REDIC1: variants seen among roughly 807,000 people sequenced by gnomAD.
REDIC1 encodes the protein regulator of DNA class I crossover intermediates 1, also known as HEI10 Interacting Protein 1.
the REDIC1 span, among the ~76,000 whole-genome samples, chr12:39,894,081 G>A: frequency 6.6e-6 from 1 of 152,142 alleles, no homozygotes; most frequent in Admixed American, 6.5e-5. Flanking sequence ...TTTAATAAAT[G>A]TTTTTGCAAA....
chr12:39,876,071 T>G, the REDIC1 span, among the ~76,000 whole-genome samples: 2 of 152,200 alleles, frequency 1.3e-5, no homozygotes, highest in African/African-American at 2.4e-5. Flanking sequence ...TCAGACAAAC[T>G]ATCATCTTCT....
At chr12:39,774,765 C>G in the REDIC1 span, among the ~76,000 whole-genome samples, 1 of 152,010 alleles carries the variant, frequency 6.6e-6, no homozygotes. Flanking sequence ...CAAAAAGCCA[C>G]TTTTTTCCTG....
the REDIC1 span, among the ~76,000 whole-genome samples, chr12:39,880,991 T>C: frequency 2.0e-5 from 3 of 152,254 alleles, no homozygotes; most frequent in African/African-American, 4.8e-5. Flanking sequence ...ATTTGTTGAA[T>C]TGTATGTATA....
chr12:39,639,649 C>G, the REDIC1 span, among the ~76,000 whole-genome samples: 1 of 151,912 alleles, frequency 6.6e-6, no homozygotes, highest in Non-Finnish European at 1.5e-5. Flanking sequence ...CTTAACCTGT[C>G]TTTGCCTTAG....
the REDIC1 span, among the ~76,000 whole-genome samples, chr12:39,856,690 C>A: frequency 1.3e-5 from 2 of 152,122 alleles, no homozygotes; most frequent in Non-Finnish European, 1.5e-5. Context: ...TTTAAATAAA[C>A]CACATTTGGT....
chr12:39,728,458 G>T, the REDIC1 span, among the ~76,000 whole-genome samples: 6 of 152,166 alleles, frequency 3.9e-5, no homozygotes, highest in South Asian at 1.2e-3. Context: ...TTAATGATTT[G>T]CCTATGTTAA....
the REDIC1 span, among the ~76,000 whole-genome samples, chr12:39,814,270 A>C: frequency 6.6e-6 from 1 of 152,228 alleles, no homozygotes. Flanking sequence ...AGCAAGTGTA[A>C]TAGCTTAGGA....
At chr12:39,904,499 T>C in the REDIC1 span, among the ~76,000 whole-genome samples, 1 of 152,154 alleles carries the variant, frequency 6.6e-6, no homozygotes, top group Admixed American at 6.6e-5. Flanking sequence ...GCCTTTCTTA[T>C]GGTATACTTC....
At chr12:39,895,560 A>ACC in the REDIC1 span, among the ~76,000 whole-genome samples, 1 of 138,752 alleles carries the variant, frequency 7.2e-6, no homozygotes, top group Non-Finnish European at 1.6e-5. Flanking sequence ...ATACACACAC[A>ACC]CACACACGTG....
chr12:39,751,797 C>G, the REDIC1 span, among the ~76,000 whole-genome samples: 2 of 152,040 alleles, frequency 1.3e-5, no homozygotes, highest in South Asian at 2.1e-4. Flanking sequence ...CAAACTATCA[C>G]AAGGACAAAA....
At chr12:39,695,676 C>A in the REDIC1 span, among the ~76,000 whole-genome samples, 7 of 152,314 alleles carry the variant, frequency 4.6e-5, no homozygotes, top group East Asian at 1.9e-4. Context: ...CCTGGGGGAA[C>A]TTGACACCCT....
At chr12:39,634,105 G>A in the REDIC1 span, among the ~76,000 whole-genome samples, 28,077 of 151,744 alleles carry the variant, frequency 0.19, 2,910 homozygotes, top group African/African-American at 0.27. Context: ...CTTTTATTTC[G>A]TTGAGCAGTG....
At chr12:39,734,875 C>G in the REDIC1 span, among the ~76,000 whole-genome samples, 1 of 152,084 alleles carries the variant, frequency 6.6e-6, no homozygotes, top group Non-Finnish European at 1.5e-5. Context: ...TAAAAAATTC[C>G]TGGTTAGATT....
the REDIC1 span, among the ~76,000 whole-genome samples, chr12:39,895,453 G>A: frequency 7.8e-6 from 1 of 128,902 alleles, no homozygotes; most frequent in Non-Finnish European, 1.6e-5. Flanking sequence ...TCGTGCCACT[G>A]CACTCCAGCC....
chr12:39,635,524 T>C, the REDIC1 span, among the ~76,000 whole-genome samples: 2 of 151,774 alleles, frequency 1.3e-5, no homozygotes, highest in East Asian at 3.9e-4. Flanking sequence ...ACCATCATTC[T>C]CAGCAAACTA....
chr12:39,811,484 T>G, the REDIC1 span, among the ~76,000 whole-genome samples: 1 of 152,172 alleles, frequency 6.6e-6, no homozygotes, highest in African/African-American at 2.4e-5. Context: ...AGCTGTCCCC[T>G]GACGTTCTTG....
At chr12:39,648,384 C>A in the REDIC1 span, among the ~76,000 whole-genome samples, 1 of 151,742 alleles carries the variant, frequency 6.6e-6, no homozygotes. Context: ...TCGTAGTAGT[C>A]TCTTAAAGTG....
chr12:39,801,238 G>A, the REDIC1 span, among the ~76,000 whole-genome samples: 1 of 59,234 alleles, frequency 1.7e-5, no homozygotes, highest in South Asian at 4.8e-4. Flanking sequence ...CTAAAACTTA[G>A]AGTATAATTA....
At chr12:39,763,120 A>G in the REDIC1 span, among the ~76,000 whole-genome samples, 51 of 152,186 alleles carry the variant, frequency 3.4e-4, no homozygotes, top group Non-Finnish European at 6.5e-4. Context: ...TTGTGCTCGT[A>G]TTTATTATGT....
Sources: allele counts gnomAD v4.1 joint callset (sites outside exome capture counted in the v4.1 genomes callset), GRCh38; gene constraint gnomAD v4.1.1; transcripts MANE v1.5; gene names NCBI Gene and HGNC (gene_info 2026-07-23, HGNC 2026-07-21).